SLC8A1: variants seen among roughly 807,000 people sequenced by gnomAD.
SLC8A1 encodes sodium/calcium exchanger 1.
A neutral mutation model predicts 68.3 loss-of-function variants in SLC8A1; 18 were observed. That is an observed-to-expected ratio of 0.26 (90% CI 0.18 to 0.39). SLC8A1 has a LOEUF of 0.39. Ranked by LOEUF, SLC8A1 falls within the 10% of genes least tolerant of loss-of-function variation. The probability of loss-of-function intolerance (pLI) is 1.00; values close to 1 mark genes in which losing one functional copy is unlikely to be tolerated. For missense variants in SLC8A1, 985 were observed against 1,156.7 expected, an observed-to-expected ratio of 0.85 and a Z score of 2.15; for synonymous variants, 475 against 415.5, an observed-to-expected ratio of 1.14 and a Z score of -1.74.
chr2:40,227,640 A>C (rs1257431801), intron 2 of SLC8A1, among the ~76,000 whole-genome samples: 2 of 151,998 alleles, frequency 1.3e-5, no homozygotes, highest in Non-Finnish European at 2.9e-5. Flanking sequence ...TAATCTGTAC[A>C]ACAAACCCCC....
In SLC8A1 at chr2:40,120,698, T is replaced by A. The variant is rs572546000; in HGVS notation, c.2438-5069A>T. On this transcript the variant is annotated intron_variant, in intron 7 of 7. Coordinates refer to ENST00000406785, the Ensembl canonical transcript of SLC8A1. The stretch of plus-strand genomic sequence containing the variant: ...AAGAAATGACTTAAATATTTGAAAA[T>A]CCTAGGAAAATCTCAAGACCTGAAG... The A allele has an allele frequency of 2.9e-4, 44 of 152,266 alleles. 1 individual carries two copies. The Middle Eastern group carries it at 0.014, about 47-fold the overall frequency. 9.4% of individuals were successfully genotyped at this position (152,266 alleles called of 1,614,324 possible). A position where few individuals can be genotyped will look rare whatever the true frequency, so the allele number is the denominator to read the frequency against.
intron 2 of SLC8A1, among the ~76,000 whole-genome samples, chr2:40,295,715 T>C (rs1053190751): frequency 2.0e-5 from 3 of 152,128 alleles, no homozygotes; most frequent in Non-Finnish European, 4.4e-5. Flanking sequence ...TCCTATATAG[T>C]GATAATGTGA....
At chr2:40,160,885 A>C in intron 5 of SLC8A1, 21 bp from the exon 9 acceptor site, 1 of 1,578,220 alleles carries the variant, frequency 6.3e-7, no homozygotes, top group South Asian at 1.1e-5. Flanking sequence ...TGAAAAGAAA[A>C]ATATAAATGC....
chr2:40,216,229 C>T (rs545481191), intron 2 of SLC8A1, among the ~76,000 whole-genome samples: 1 of 152,018 alleles, frequency 6.6e-6, no homozygotes, highest in Non-Finnish European at 1.5e-5. Context: ...ATGTTCAACT[C>T]CCCCTTATGA....
At chr2:40,265,551 C>T (rs1161355207) in intron 2 of SLC8A1, among the ~76,000 whole-genome samples, 1 of 152,154 alleles carries the variant, frequency 6.6e-6, no homozygotes, top group African/African-American at 2.4e-5. Context: ...ATTAGTTTAG[C>T]AGAACCCTTT....
chr2:40,276,610 G>C (rs2066730181), intron 2 of SLC8A1, among the ~76,000 whole-genome samples: 1 of 152,208 alleles, frequency 6.6e-6, no homozygotes, highest in Non-Finnish European at 1.5e-5. Flanking sequence ...GGCCAGCAAA[G>C]TAGATGATAG....
At chr2:40,225,471 C>T (rs1344623800) in intron 2 of SLC8A1, among the ~76,000 whole-genome samples, 1 of 149,560 alleles carries the variant, frequency 6.7e-6, no homozygotes, top group Non-Finnish European at 1.5e-5. Context: ...TTGTCCTATT[C>T]TCTTCTTTTT....
chr2:40,346,077 A>T (rs1322291618), intron 2 of SLC8A1, among the ~76,000 whole-genome samples: 1 of 150,292 alleles, frequency 6.7e-6, no homozygotes, highest in Non-Finnish European at 1.5e-5. Context: ...AAAAAAAGAA[A>T]GAAAGAAAAA....
chr2:40,328,823 G>A (rs2149365558), intron 2 of SLC8A1, among the ~76,000 whole-genome samples: 1 of 152,102 alleles, frequency 6.6e-6, no homozygotes, highest in Non-Finnish European at 1.5e-5. Flanking sequence ...ACTATTGCAA[G>A]GGCTCCCCCA....
intron 2 of SLC8A1, among the ~76,000 whole-genome samples, chr2:40,358,453 T>C (rs569261191): frequency 2.3e-4 from 35 of 152,268 alleles, no homozygotes; most frequent in African/African-American, 7.0e-4. Flanking sequence ...ATCAGAAATC[T>C]CTCAAATTTT....
intron 1 of SLC8A1, among the ~76,000 whole-genome samples, chr2:40,512,128 T>C (rs1000250246): frequency 1.3e-5 from 2 of 152,172 alleles, no homozygotes; most frequent in Non-Finnish European, 2.9e-5. Flanking sequence ...TGGCAGCAAA[T>C]CTGTGTTGCC....
chr2:40,391,174 C>G (rs1022961982), intron 2 of SLC8A1, among the ~76,000 whole-genome samples: 1 of 149,206 alleles, frequency 6.7e-6, no homozygotes, highest in Non-Finnish European at 1.5e-5. Flanking sequence ...TATGTAGATG[C>G]GTGTGTGTAT....
intron 2 of SLC8A1, among the ~76,000 whole-genome samples, chr2:40,393,129 C>A (rs530158557): frequency 6.6e-6 from 1 of 152,016 alleles, no homozygotes; most frequent in Non-Finnish European, 1.5e-5. Context: ...TTTATAGCTC[C>A]GTTTTACAGA....
chr2:40,499,103 A>G (rs1318855920), intron 1 of SLC8A1, among the ~76,000 whole-genome samples: 1 of 152,084 alleles, frequency 6.6e-6, no homozygotes, highest in Non-Finnish European at 1.5e-5. Flanking sequence ...ATCTGTGGAG[A>G]CTTCAAAGAG....
chr2:40,335,063 T>C (rs947795465), intron 2 of SLC8A1, among the ~76,000 whole-genome samples: 2 of 152,194 alleles, frequency 1.3e-5, no homozygotes, highest in African/African-American at 4.8e-5. Flanking sequence ...AGTGCTCCCA[T>C]TTTGTAAACA....
At chr2:40,268,065 T>C (rs1350367535) in intron 2 of SLC8A1, among the ~76,000 whole-genome samples, 1 of 152,160 alleles carries the variant, frequency 6.6e-6, no homozygotes, top group Non-Finnish European at 1.5e-5. Context: ...TGAAAAGAAA[T>C]CTCTCATGCT....
In SLC8A1 at chr2:40,371,109, G is replaced by T. The variant is rs549403209; in HGVS notation, c.1808+57364C>A. Among the ~76,000 whole-genome samples, 7 of 152,160 alleles carry T rather than the reference G, an allele frequency of 4.6e-5. No homozygotes were observed. The East Asian group carries it at 1.4e-3, about 30-fold the overall frequency. On this transcript the variant is annotated intron_variant, in intron 2 of 7. Transcript: ENST00000406785. ...CTTTTCTAGCAAAATAATGCCTAAG[G>T]TTCAAGGATTTCTTAGTATGATATT... is the stretch of plus-strand genomic sequence containing the variant.
chr2:40,293,895 C>T (rs1420947061), intron 2 of SLC8A1, among the ~76,000 whole-genome samples: 1 of 151,980 alleles, frequency 6.6e-6, no homozygotes, highest in Non-Finnish European at 1.5e-5. Flanking sequence ...AACAGAGTAT[C>T]CAGATGTTAT....
chr2:40,307,461 G>C (rs545431890), intron 2 of SLC8A1, among the ~76,000 whole-genome samples: 2 of 152,226 alleles, frequency 1.3e-5, no homozygotes, highest in East Asian at 3.9e-4. Flanking sequence ...GATCTGTTCC[G>C]CAATGATGTG....
Sources: gnomAD v4.1 joint callset for allele counts (sites outside exome capture counted in the v4.1 genomes callset) on GRCh38, gnomAD v4.1.1 for gene constraint, MANE v1.5 for transcripts, NCBI Gene and HGNC (gene_info 2026-07-23, HGNC 2026-07-21) for gene names.